TMEM132D: variants seen among roughly 807,000 people sequenced by gnomAD.
TMEM132D encodes mature OL transmembrane protein.
Under a neutral mutation model 62.3 loss-of-function variants are expected in TMEM132D, and 21 were observed. The observed-to-expected ratio is 0.34, with a 90% CI of 0.24 to 0.49. The LOEUF is 0.49. Among genes scored for constraint, TMEM132D ranks in the 20% least tolerant of loss-of-function variants. The pLI is 0.99. For missense variants in TMEM132D, 1,346 were observed against 1,402.8 expected, an observed-to-expected ratio of 0.96 and a Z score of 0.65; for synonymous variants, 621 against 575.6, an observed-to-expected ratio of 1.08 and a Z score of -1.13.
intron 4 of TMEM132D, among the ~76,000 whole-genome samples, chr12:129,224,793 A>G (rs1470951475): frequency 6.6e-6 from 1 of 152,102 alleles, no homozygotes; most frequent in Non-Finnish European, 1.5e-5. Flanking sequence ...AGTCCCAGCT[A>G]CTCAGGAGGC....
At chr12:129,135,144 A>T (rs1876521379) in intron 5 of TMEM132D, among the ~76,000 whole-genome samples, 1 of 152,298 alleles carries the variant, frequency 6.6e-6, no homozygotes, top group Admixed American at 6.5e-5. Flanking sequence ...GTCAAGATGG[A>T]GAGGTTGGGA....
intron 1 of TMEM132D, among the ~76,000 whole-genome samples, chr12:129,768,831 A>G (rs1870638552): frequency 6.6e-6 from 1 of 152,208 alleles, no homozygotes; most frequent in African/African-American, 2.4e-5. Context: ...TTTTAGCCAA[A>G]AGCATTCTTA....
chr12:129,542,456 T>C (rs1185109070), intron 2 of TMEM132D, among the ~76,000 whole-genome samples: 1 of 144,794 alleles, frequency 6.9e-6, no homozygotes, highest in South Asian at 2.2e-4. Context: ...TGGGAGGTTG[T>C]TAATTTTTTT....
In TMEM132D at chr12:129,619,797, C is replaced by T. The variant is rs1564765; in HGVS notation, c.968+80013G>A. Among the ~76,000 whole-genome samples, 90 of 152,212 alleles carry T rather than the reference C, an allele frequency of 5.9e-4. 1 individual carries two copies. The highest frequency in any genetic ancestry group is 1.2e-3 in the Admixed American group (19 of 15,294). On this transcript the variant is annotated intron_variant, in intron 2 of 8. Transcript: ENST00000422113. ...TAAACAACACTTCTTTGACTCACAC[C>T]GAATTTCAGTAATCATTTTCTTCTT...
At chr12:129,568,118 G>C (rs1877417689) in intron 2 of TMEM132D, among the ~76,000 whole-genome samples, 1 of 152,256 alleles carries the variant, frequency 6.6e-6, no homozygotes, top group African/African-American at 2.4e-5. Context: ...TGCTTGGGTG[G>C]CAGGAACAGT....
chr12:129,483,717 C>G (rs1031809380), intron 3 of TMEM132D, among the ~76,000 whole-genome samples: 2 of 152,172 alleles, frequency 1.3e-5, no homozygotes, highest in African/African-American at 2.4e-5. Context: ...CGTCAACGCT[C>G]CCCTTCGTGG....
chr12:129,364,059 C>G (rs192156728), intron 3 of TMEM132D, among the ~76,000 whole-genome samples: 10 of 152,260 alleles, frequency 6.6e-5, no homozygotes, highest in Admixed American at 2.0e-4. Flanking sequence ...ATGTCACTCA[C>G]GAAGAGTTTT....
At chr12:129,429,507 T>C (rs1239235588) in intron 3 of TMEM132D, among the ~76,000 whole-genome samples, 1 of 151,762 alleles carries the variant, frequency 6.6e-6, no homozygotes, top group Admixed American at 6.6e-5. Flanking sequence ...ACAGGAAAAC[T>C]GGGAAACCTT....
intron 2 of TMEM132D, among the ~76,000 whole-genome samples, chr12:129,547,368 T>C (rs1423196092): frequency 6.6e-6 from 1 of 152,066 alleles, no homozygotes; most frequent in African/African-American, 2.4e-5. Flanking sequence ...CCTCCCAAGG[T>C]GCTGGGATTA....
intron 3 of TMEM132D, among the ~76,000 whole-genome samples, chr12:129,480,658 T>G (rs1370379336): frequency 1.3e-5 from 2 of 152,160 alleles, no homozygotes; most frequent in Admixed American, 6.5e-5. Flanking sequence ...TTAGGGACGG[T>G]TGGAGGATGA....
intron 5 of TMEM132D, chr12:129,085,058 T>G (rs950543722): frequency 8.8e-5 from 34 of 388,396 alleles, no homozygotes; most frequent in African/African-American, 7.1e-4. Context: ...TACCCGGGAG[T>G]TATGTCCTGC....
chr12:129,673,195 C>T (rs1031523415), intron 2 of TMEM132D, among the ~76,000 whole-genome samples: 24 of 149,752 alleles, frequency 1.6e-4, no homozygotes, highest in African/African-American at 5.6e-4. Context: ...AACCATGAAT[C>T]GCTTCTCCAT....
At chr12:129,374,567 G>T (rs907349990) in intron 3 of TMEM132D, among the ~76,000 whole-genome samples, 8 of 152,076 alleles carry the variant, frequency 5.3e-5, no homozygotes, top group Admixed American at 5.2e-4. Context: ...GGGAGCAGGT[G>T]GAGGAAAGAA....
intron 2 of TMEM132D, among the ~76,000 whole-genome samples, chr12:129,590,643 C>T (rs4759974): frequency 0.35 from 53,719 of 152,070 alleles, 10,866 homozygotes; most frequent in East Asian, 0.6. Flanking sequence ...CCAGAAATCA[C>T]AGAGGCTTAA....
rs746019893 is a variant in TMEM132D, at chr12:129,700,634, G to A, written c.144C>T (p.Pro48=). 13 of 1,613,806 alleles carry A rather than the reference G, an allele frequency of 8.1e-6. No individual in the cohort carries two copies. The highest frequency in any genetic ancestry group is 2.7e-5 in the African/African-American group (2 of 74,874). Reference sequence around the variant, plus strand: ...CCGCGTTGTTGATGTGGTAGGTCACGGGGAGGTAGGTGGGCAGCAAGGAAA... The same window carrying A: ...CCGCGTTGTTGATGTGGTAGGTCACAGGGAGGTAGGTGGGCAGCAAGGAAA... ...QRFSLLPTYL[P]VTYHINNADV... Residue 48 remains proline, a synonymous_variant, in exon 2 of 9, where the codon CCC becomes CCT. Coordinates refer to ENST00000422113, the MANE Select transcript of TMEM132D (RefSeq NM_133448.3).
intron 1 of TMEM132D, among the ~76,000 whole-genome samples, chr12:129,748,101 A>G (rs753010734): frequency 1.3e-5 from 2 of 152,186 alleles, no homozygotes; most frequent in African/African-American, 2.4e-5. Context: ...GCTCAGATGC[A>G]TGGATGACTC....
In TMEM132D at chr12:129,730,536, C is replaced by T. The variant is rs146080661; in HGVS notation, c.80-29838G>A. On this transcript the variant is annotated intron_variant, in intron 1 of 8. Transcript: ENST00000422113. ...CTGCTCATTCACTCATTCATTTATT[C>T]ACTCTGCACACACTGATTGCATATC... Among the ~76,000 whole-genome samples, 394 of 152,242 alleles carry T rather than the reference C, an allele frequency of 2.6e-3. 5 individuals carry two copies. Among genetic ancestry groups the T allele is most frequent in the East Asian group, 0.019 (98 of 5,176 alleles).
At chr12:129,713,701 C>G (rs1282327547) in intron 1 of TMEM132D, among the ~76,000 whole-genome samples, 1 of 152,204 alleles carries the variant, frequency 6.6e-6, no homozygotes, top group Non-Finnish European at 1.5e-5. Flanking sequence ...TGCAAAGAAA[C>G]AAACACAGAG....
chr12:129,317,097 A>G (rs1868512465), intron 4 of TMEM132D, among the ~76,000 whole-genome samples: 1 of 152,106 alleles, frequency 6.6e-6, no homozygotes, highest in African/African-American at 2.4e-5. Flanking sequence ...TGTGGTTTTT[A>G]GTGGAGCATT....
Sources: gnomAD v4.1 joint callset for allele counts (sites outside exome capture counted in the v4.1 genomes callset) on GRCh38, gnomAD v4.1.1 for gene constraint, MANE v1.5 for transcripts, NCBI Gene and HGNC (gene_info 2026-07-23, HGNC 2026-07-21) for gene names.